The following PRKN variants were observed in gnomAD, a reference collection of about 807,000 sequenced individuals.
The protein encoded by PRKN is parkin RBR E3 ubiquitin protein ligase.
A neutral mutation model predicts 59.5 loss-of-function variants in PRKN; 56 were observed. That is an observed-to-expected ratio of 0.94 (90% CI 0.76 to 1.18). The LOEUF is 1.18. Ranked by LOEUF, PRKN falls within the 50% of genes most tolerant of loss-of-function variation. PRKN has a pLI of 0.00. For synonymous variants in PRKN, 250 were observed against 222.1 expected (o/e 1.13, Z -1.12); for missense variants, 657 against 596.4 (o/e 1.10, Z -1.06).
chr6:162,038,993 A>C (rs1057081988), intron 5 of PRKN, among the ~76,000 whole-genome samples: 9 of 152,046 alleles, frequency 5.9e-5, no homozygotes, highest in Non-Finnish European at 5.9e-5. Context: ...TCTCTACTAA[A>C]AAAATACAAA....
At chr6:162,371,898 C>G (rs1382815219) in intron 2 of PRKN, among the ~76,000 whole-genome samples, 1 of 152,178 alleles carries the variant, frequency 6.6e-6, no homozygotes, top group Non-Finnish European at 1.5e-5. Context: ...TGAGGCTCCT[C>G]AGTTTGAAAT....
intron 1 of PRKN, among the ~76,000 whole-genome samples, chr6:162,641,645 C>G (rs1025376858): frequency 2.0e-5 from 3 of 152,148 alleles, no homozygotes; most frequent in African/African-American, 7.2e-5. Context: ...AGTTGAGATG[C>G]AGAATCCTTG....
chr6:162,519,132 T>C (rs556101180), intron 1 of PRKN, among the ~76,000 whole-genome samples: 5 of 152,174 alleles, frequency 3.3e-5, no homozygotes, highest in African/African-American at 1.2e-4. Context: ...ATCGCACCAT[T>C]GCACTCCAGC....
At chr6:161,883,964 T>G (rs1795040685) in intron 6 of PRKN, among the ~76,000 whole-genome samples, 1 of 145,786 alleles carries the variant, frequency 6.9e-6, no homozygotes, top group Non-Finnish European at 1.6e-5. Context: ...AAAATGATTT[T>G]CTTTTTGTTA....
chr6:162,281,258 G>A (rs1289841164), intron 2 of PRKN, among the ~76,000 whole-genome samples: 1 of 151,826 alleles, frequency 6.6e-6, no homozygotes, highest in Non-Finnish European at 1.5e-5. Flanking sequence ...ACAGACTGGG[G>A]CCTGTCAGGG....
chr6:161,417,241 A>G lies in PRKN; in HGVS notation c.1084-30364T>C, dbSNP rs1040208542. ...CCGAGGCTGCCAAATCACGAGGTCAAGAGATCAAGACCATTCTGGTCAACA... is the reference window on the plus strand; with the variant it reads ...CCGAGGCTGCCAAATCACGAGGTCAGGAGATCAAGACCATTCTGGTCAACA... On this transcript the variant is annotated intron_variant, in intron 9 of 11. Transcript: ENST00000366898. The surrounding 1 kb of genome is among the most constrained non-coding windows in gnomAD (Gnocchi z 5.4). Among the ~76,000 whole-genome samples the G allele has an allele frequency of 6.6e-6, 1 of 152,132 alleles. No homozygotes were observed. The highest frequency in any genetic ancestry group is 1.5e-5 in the Non-Finnish European group (1 of 68,028).
chr6:162,613,443 C>A lies in PRKN; in HGVS notation c.7+114219G>T, dbSNP rs191821882. Reference sequence around the variant, plus strand: ...GACAAACCATAGATTTGTAATAATTCTAGAAAAATGCCTCTGTTGTGTTTC... The same window carrying A: ...GACAAACCATAGATTTGTAATAATTATAGAAAAATGCCTCTGTTGTGTTTC... On this transcript the variant is annotated intron_variant, in intron 1 of 11. Coordinates refer to ENST00000366898, the MANE Select transcript of PRKN (RefSeq NM_004562.3). Among the ~76,000 whole-genome samples the A allele has an allele frequency of 5.0e-4, 76 of 152,262 alleles. 1 individual carries two copies. The highest frequency in any genetic ancestry group is 1.0e-3 in the Non-Finnish European group (68 of 68,018).
chr6:162,262,679 G>A lies in PRKN; in HGVS notation c.258C>T (p.Asp86=), dbSNP rs778750300. 2.1e-5 allele frequency: 34 copies of A among 1,612,720 alleles called. No individual in the cohort carries two copies. Among genetic ancestry groups the A allele is most frequent in the East Asian group, 6.7e-5 (3 of 44,850 alleles). The change falls in exon 3 of 12, where the codon GAC becomes GAT. Residue 86 remains aspartate, a synonymous_variant. Coordinates refer to ENST00000366898, the MANE Select transcript of PRKN (RefSeq NM_004562.3). ...KGQEMNATGG[D]DPRNAAGGCE... ...AGCCTCCCGCCGCGTTTCTGGGGTCGTCGCCTCCAGTTGCATTCATTTCTT... is the reference window on the plus strand; with the variant it reads ...AGCCTCCCGCCGCGTTTCTGGGGTCATCGCCTCCAGTTGCATTCATTTCTT...
chr6:161,592,206 A>G lies in PRKN; in HGVS notation c.872-22790T>C, dbSNP rs1781749956. ...TCTATCTGCAGTTGGGTGACTCCTC[A>G]GTTGTGGAACCCATAGATACAGGGG... On this transcript the variant is annotated intron_variant, in intron 7 of 11. Transcript: ENST00000366898. The surrounding 1 kb of genome is among the most constrained non-coding windows in gnomAD (Gnocchi z 4.8). Among the ~76,000 whole-genome samples the G allele has an allele frequency of 6.6e-6, 1 of 152,116 alleles. No individual in the cohort carries two copies. The highest frequency in any genetic ancestry group is 2.1e-4 in the South Asian group (1 of 4,824).
At chr6:162,414,346 C>A (rs1374907648) in intron 2 of PRKN, among the ~76,000 whole-genome samples, 2 of 151,976 alleles carry the variant, frequency 1.3e-5, no homozygotes, top group Non-Finnish European at 2.9e-5. Context: ...TAAGGACAAG[C>A]AGGTTTGAAC....
At position 161,399,173 on chromosome 6, in the gene PRKN, C is replaced by A. The variant is rs1786914707; in HGVS notation, c.1084-12296G>T. 6.6e-6 allele frequency among the ~76,000 whole-genome samples: 1 copy of A among 152,128 alleles called. No individual in the cohort carries two copies. Among genetic ancestry groups the A allele is most frequent in the Admixed American group, 6.5e-5 (1 of 15,274 alleles). On this transcript the variant is annotated intron_variant, in intron 9 of 11. Coordinates refer to ENST00000366898, the MANE Select transcript of PRKN (RefSeq NM_004562.3). The surrounding 1 kb of genome is among the most constrained non-coding windows in gnomAD (Gnocchi z 4.4). ...GGGAAGATCATCTTTCTACTCCATC[C>A]CCTTTCCAGCTCCCCATCCATCCAT...
chr6:162,193,515 T>A (rs1001733143), intron 4 of PRKN, among the ~76,000 whole-genome samples: 51 of 152,196 alleles, frequency 3.4e-4, no homozygotes, highest in Non-Finnish European at 2.2e-4. Context: ...TTCTCTTAAC[T>A]ATGCCTCTGC....
At chr6:162,126,759 A>G (rs80180004) in intron 4 of PRKN, among the ~76,000 whole-genome samples, 15,219 of 152,144 alleles carry the variant, frequency 0.1, 909 homozygotes, top group African/African-American at 0.16. Context: ...TCTATGCCCC[A>G]GTGTCTGTTC....
intron 6 of PRKN, among the ~76,000 whole-genome samples, chr6:161,913,170 G>GAAAAAA (rs762633376): frequency 5.8e-5 from 5 of 86,600 alleles, no homozygotes; most frequent in Admixed American, 1.4e-4. Context: ...TCCATCTCAG[G>GAAAAAA]AAAAAAAAAA....
chr6:162,261,487 G>A (rs1376087254), intron 3 of PRKN, among the ~76,000 whole-genome samples: 1 of 152,114 alleles, frequency 6.6e-6, no homozygotes, highest in Non-Finnish European at 1.5e-5. Flanking sequence ...TGGTTGAAAC[G>A]TCAGAATTGT....
At chr6:161,742,124 C>A (rs1788216404) in intron 7 of PRKN, among the ~76,000 whole-genome samples, 1 of 152,134 alleles carries the variant, frequency 6.6e-6, no homozygotes, top group Non-Finnish European at 1.5e-5. Flanking sequence ...CGTGCACCAC[C>A]ATTCCCAGCT....
intron 7 of PRKN, among the ~76,000 whole-genome samples, chr6:161,731,321 T>A (rs760661917): frequency 1.7e-4 from 26 of 152,248 alleles, no homozygotes; most frequent in Non-Finnish European, 3.5e-4. Context: ...CACTGTGAAC[T>A]ATTGCCTAGG....
chr6:161,723,233 C>T (rs1225917555), intron 7 of PRKN, among the ~76,000 whole-genome samples: 2 of 151,304 alleles, frequency 1.3e-5, no homozygotes, highest in Admixed American at 6.6e-5. Context: ...TGCACCACTG[C>T]ACTCCAGCCT....
rs116899314 is a variant in PRKN at position 161,621,247 on chromosome 6, C to T, written c.872-51831G>A. ...AGGGGAGATTTCTTAGAGGAATTGG[C>T]TCATGTGATGATGGAGGTTGACAAG... On this transcript the variant is annotated intron_variant, in intron 7 of 11. Coordinates refer to ENST00000366898, the MANE Select transcript of PRKN (RefSeq NM_004562.3). Among the ~76,000 whole-genome samples, 716 of 152,214 alleles carry T rather than the reference C, an allele frequency of 4.7e-3. 22 individuals are homozygous for T. In the East Asian group the frequency reaches 0.054, roughly 11 times the overall value.
Sources: allele counts gnomAD v4.1 joint callset (sites outside exome capture counted in the v4.1 genomes callset), GRCh38; gene constraint gnomAD v4.1.1; non-coding constraint Gnocchi (gnomAD v3.1); transcripts MANE v1.5; gene names NCBI Gene and HGNC (gene_info 2026-07-23, HGNC 2026-07-21).